The following MYO3B variants were observed in gnomAD, a reference collection of about 807,000 sequenced individuals.
The protein encoded by MYO3B is myosin IIIB, also known as myosin-IIIb.
A neutral mutation model predicts 174.6 loss-of-function variants in MYO3B; 156 were observed. The ratio of observed to expected loss-of-function variants is 0.89; its 90% confidence interval spans 0.78 to 1.02. The LOEUF is 1.02. Ranked by LOEUF, MYO3B falls within the 50% of genes least tolerant of loss-of-function variation. The pLI is 0.00. For synonymous variants in MYO3B, 563 were observed against 569.1 expected (o/e 0.99, Z 0.15); for missense variants, 1,632 against 1,639.4 (o/e 1.00, Z 0.08).
chr2:170,233,505 T>C (rs2105291170), intron 6 of MYO3B, among the ~76,000 whole-genome samples: 1 of 152,334 alleles, frequency 6.6e-6, no homozygotes, highest in East Asian at 1.9e-4. Context: ...ATGTAGGTTC[T>C]CACCTGATTG....
intron 3 of MYO3B, 136 bp downstream of exon 3, chr2:170,200,420 G>T: frequency 3.4e-6 from 3 of 889,438 alleles, no homozygotes; most frequent in South Asian, 2.3e-5. Context: ...TACCTCACCA[G>T]ATGTGACATT....
chr2:170,449,871 T>C (rs1375101434), intron 23 of MYO3B, among the ~76,000 whole-genome samples: 8 of 152,214 alleles, frequency 5.3e-5, no homozygotes, highest in Admixed American at 4.6e-4. Context: ...CCATAAGTCC[T>C]AGAAGTTTGT....
At chr2:170,411,423 A>G (rs1057409436) in intron 22 of MYO3B, among the ~76,000 whole-genome samples, 25 of 152,208 alleles carry the variant, frequency 1.6e-4, no homozygotes, top group African/African-American at 5.8e-4. Context: ...ATGTTACTAT[A>G]CTGAATGTTG....
rs115047724 is a variant in MYO3B at position 170,651,996 on chromosome 2, G to A, written c.3841-112G>A. 5.6e-4 allele frequency: 666 copies of A among 1,193,528 alleles called. 3 individuals carry two copies. In the African/African-American group the frequency reaches 7.5e-3, roughly 13 times the overall value. The allele number at this position is 1,193,528 out of a possible 1,614,324, so 73.9% of individuals were successfully genotyped here. On this transcript the variant is annotated intron_variant, in intron 33 of 34. Transcript: ENST00000408978. ...CCCTTTGATCAAAAAAAATTATGCT[G>A]TGACTTCTGATATTATCAGCATCTG...
intron 24 of MYO3B, among the ~76,000 whole-genome samples, chr2:170,464,612 C>T (rs1174869015): frequency 6.6e-6 from 1 of 152,090 alleles, no homozygotes; most frequent in East Asian, 1.9e-4. Context: ...CAGAGGCAGG[C>T]TAGAATTGGG....
chr2:170,619,219 C>G (rs1695678111), intron 32 of MYO3B, among the ~76,000 whole-genome samples: 1 of 152,114 alleles, frequency 6.6e-6, no homozygotes, highest in African/African-American at 2.4e-5. Context: ...ATTCCTAGAG[C>G]TATGAACATC....
intron 3 of MYO3B, among the ~76,000 whole-genome samples, chr2:170,203,495 C>CGG (rs1328744987): frequency 8.4e-3 from 29 of 3,462 alleles, no homozygotes; most frequent in South Asian, 0.018. Flanking sequence ...CAAAAGGGGG[C>CGG]GGCGGGGGGG....
intron 32 of MYO3B, among the ~76,000 whole-genome samples, chr2:170,638,639 C>A (rs1413540046): frequency 6.6e-6 from 1 of 152,150 alleles, no homozygotes; most frequent in Non-Finnish European, 1.5e-5. Flanking sequence ...CCTGCCTTCA[C>A]ACTGGCTTCA....
At chr2:170,584,249 G>A (rs568367180) in intron 32 of MYO3B, among the ~76,000 whole-genome samples, 2 of 152,208 alleles carry the variant, frequency 1.3e-5, no homozygotes, top group Non-Finnish European at 2.9e-5. Flanking sequence ...AAAAAGTTAT[G>A]AAATTGAAGA....
At chr2:170,245,703 A>G (rs890660213) in intron 7 of MYO3B, among the ~76,000 whole-genome samples, 2 of 152,194 alleles carry the variant, frequency 1.3e-5, no homozygotes, top group South Asian at 2.1e-4. Context: ...TATCCTCTCT[A>G]TATTCTGTGG....
intron 22 of MYO3B, among the ~76,000 whole-genome samples, chr2:170,416,724 G>T (rs183880417): frequency 0.012 from 1,655 of 137,394 alleles, 26 homozygotes; most frequent in African/African-American, 0.043. Context: ...CTCTGTTTTT[G>T]TTTTGTTCCT....
intron 28 of MYO3B, among the ~76,000 whole-genome samples, chr2:170,502,405 G>A (rs1687334381): frequency 6.6e-6 from 1 of 152,220 alleles, no homozygotes; most frequent in South Asian, 2.1e-4. Flanking sequence ...GAGTTTCCCA[G>A]CAAACTGTTT....
chr2:170,304,350 C>T (rs2093685663), intron 7 of MYO3B, among the ~76,000 whole-genome samples: 1 of 151,682 alleles, frequency 6.6e-6, no homozygotes, highest in African/African-American at 2.4e-5. Context: ...ATCTTGTTTT[C>T]ATTATTTTGA....
rs771093678 is a variant in MYO3B, at chr2:170,214,410, T to C, written c.353T>C (p.Val118Ala). The change falls in exon 4 of 35, where the codon GTC (valine) becomes GCC (alanine). Residue 118 changes from valine (V) to alanine (A), a missense_variant. Physicochemically the swap from Val to Ala is moderately conservative, Grantham distance 64. Transcript: ENST00000408978. ...LCNGGSVTEL[V>A]KGLLRCGQRL... Reference sequence around the variant, plus strand: ...AATGGGGGCTCAGTCACTGAGCTTGTCAAAGGTCTACTCAGATGTGGCCAG... The same window carrying C: ...AATGGGGGCTCAGTCACTGAGCTTGCCAAAGGTCTACTCAGATGTGGCCAG... 6 of 1,614,192 alleles carry C rather than the reference T, an allele frequency of 3.7e-6. No individual in the cohort carries two copies. Among genetic ancestry groups the C allele is most frequent in the South Asian group, 2.2e-5 (2 of 91,086 alleles).
rs1687291245 is a variant in MYO3B at position 170,501,847 on chromosome 2, G to A, written c.3352G>A (p.Ala1118Thr). ...AATAAGCAACAGAAGGAATGAGTCT[G>A]CTGCTCATAATCAAGCAGGTAATTA... ...KKISNRRNES[A>T]AHNQAGDTSN... Residue 1118 changes from alanine to threonine, a missense_variant, in exon 28 of 35, where the codon GCT becomes ACT. By Grantham distance (58) the Ala-to-Thr change is moderately conservative (BLOSUM62 0). Coordinates refer to ENST00000408978, the MANE Select transcript of MYO3B (RefSeq NM_138995.5). 1 of 1,610,686 alleles carries A rather than the reference G, an allele frequency of 6.2e-7. No individual in the cohort carries two copies. The highest frequency in any genetic ancestry group is 1.7e-5 in the Admixed American group (1 of 59,968).
Position 170,463,450 on chromosome 2 carries a change from G to A in MYO3B, c.2808+5G>A. 6.2e-7 allele frequency: 1 copy of A among 1,613,480 alleles called. No individual in the cohort carries two copies. Among genetic ancestry groups the A allele is most frequent in the Non-Finnish European group, 8.5e-7 (1 of 1,179,650 alleles). On this transcript the variant is annotated splice_donor_5th_base_variant and intron_variant, in intron 24 of 34. Transcript: ENST00000408978. ...ACTGTGGCTTCTTACTTCCGGGTAT[G>A]GAGTCTTCTTGATCTCTATTCTGCC... is the stretch of plus-strand genomic sequence containing the variant.
intron 32 of MYO3B, among the ~76,000 whole-genome samples, chr2:170,612,778 A>G (rs1695202260): frequency 6.6e-6 from 1 of 152,232 alleles, no homozygotes; most frequent in Non-Finnish European, 1.5e-5. Context: ...TGTGAACTAG[A>G]GAGAGGCTTT....
chr2:170,179,322 T>C (rs2092369032), intron 1 of MYO3B, among the ~76,000 whole-genome samples: 1 of 152,204 alleles, frequency 6.6e-6, no homozygotes, highest in Admixed American at 6.5e-5. Flanking sequence ...GAGCTATACT[T>C]GAACAGGCCC....
intron 32 of MYO3B, among the ~76,000 whole-genome samples, chr2:170,622,857 A>T (rs1696057629): frequency 6.6e-6 from 1 of 151,634 alleles, no homozygotes; most frequent in Admixed American, 6.6e-5. Flanking sequence ...TTTGCTCAGA[A>T]TGATGGTTTC....
Sources: allele counts gnomAD v4.1 joint callset (sites outside exome capture counted in the v4.1 genomes callset), GRCh38; gene constraint gnomAD v4.1.1; transcripts MANE v1.5; gene names NCBI Gene and HGNC (gene_info 2026-07-23, HGNC 2026-07-21).